The following GAPVD1 variants were observed in gnomAD, a reference collection of about 807,000 sequenced individuals.
GAPVD1 encodes the protein GTPase activating protein and VPS9 domains 1, also known as GTPase-activating protein and VPS9 domain-containing protein 1.
Under a neutral mutation model 155.5 loss-of-function variants are expected in GAPVD1, and 35 were observed. The observed-to-expected ratio is 0.23, with a 90% CI of 0.17 to 0.30. The LOEUF is 0.30. Among genes scored for constraint, GAPVD1 ranks in the 10% least tolerant of loss-of-function variants. The pLI is 1.00. For synonymous variants in GAPVD1, 636 were observed against 619.7 expected, an observed-to-expected ratio of 1.03 and a Z score of -0.39; for missense variants, 1,429 against 1,775.7, an observed-to-expected ratio of 0.80 and a Z score of 3.51.
chr9:125,264,402 T>C (rs375871802), intron 1 of GAPVD1, among the ~76,000 whole-genome samples: 1 of 152,040 alleles, frequency 6.6e-6, no homozygotes, highest in African/African-American at 2.4e-5. Context: ...ACCATGTTGG[T>C]CAGGCTGGTC....
chr9:125,284,848 G>C (rs190968540), intron 2 of GAPVD1, among the ~76,000 whole-genome samples: 1 of 152,172 alleles, frequency 6.6e-6, no homozygotes, highest in Non-Finnish European at 1.5e-5. Flanking sequence ...ATAATAGTAA[G>C]TGTTTGTGTA....
In GAPVD1 at chr9:125,302,454, A is replaced by C; in HGVS notation, c.657A>C (p.Pro219=). The C allele has an allele frequency of 6.2e-7, 1 of 1,613,816 alleles. No homozygotes were observed. The highest frequency in any genetic ancestry group is 1.1e-5 in the South Asian group (1 of 91,084). Reference sequence around the variant, plus strand: ...ATGAAGATCACCTGGAAACAGATCCAAACAAGCTAATTGAGAGGTTCTCTC... The same window carrying C: ...ATGAAGATCACCTGGAAACAGATCCCAACAAGCTAATTGAGAGGTTCTCTC... ...VEDEDHLETD[P]NKLIERFSPS... Residue 219 remains proline, a synonymous_variant, in exon 5 of 28, where the codon CCA becomes CCC. Coordinates refer to ENST00000297933, the MANE Select transcript of GAPVD1 (RefSeq NM_001282680.3).
intron 12 of GAPVD1, among the ~76,000 whole-genome samples, chr9:125,328,026 T>C (rs1464815874): frequency 6.6e-6 from 1 of 152,130 alleles, no homozygotes; most frequent in African/African-American, 2.4e-5. Context: ...CTTTTATTAG[T>C]AACTTTTTTT....
intron 9 of GAPVD1, among the ~76,000 whole-genome samples, chr9:125,314,781 A>T (rs1843150442): frequency 6.6e-6 from 1 of 151,538 alleles, no homozygotes; most frequent in African/African-American, 2.4e-5. Flanking sequence ...CTGAAAAAGT[A>T]GCAGCTTCTT....
chr9:125,332,243 T>G (rs1020110233), intron 14 of GAPVD1, among the ~76,000 whole-genome samples, 183 bp downstream of exon 14: 1 of 152,262 alleles, frequency 6.6e-6, no homozygotes, highest in African/African-American at 2.4e-5. Flanking sequence ...ATGGAGCCTG[T>G]TGAAGTAATT....
chr9:125,284,095 T>G (rs1008502690), intron 2 of GAPVD1, among the ~76,000 whole-genome samples: 2 of 151,680 alleles, frequency 1.3e-5, no homozygotes, highest in African/African-American at 4.8e-5. Context: ...AGGCTGGTCT[T>G]GAACTCCTGA....
intron 17 of GAPVD1, among the ~76,000 whole-genome samples, chr9:125,338,982 T>C (rs2132038967): frequency 6.6e-6 from 1 of 151,614 alleles, no homozygotes; most frequent in Admixed American, 6.6e-5. Flanking sequence ...GTTGTTGTTG[T>C]GGTTTGTTTG....
chr9:125,269,534 G>C (rs1834530908), intron 2 of GAPVD1, among the ~76,000 whole-genome samples: 1 of 151,068 alleles, frequency 6.6e-6, no homozygotes, highest in Non-Finnish European at 1.5e-5. Context: ...CTGTCGCCCA[G>C]GCTGGAGTGC....
intron 2 of GAPVD1, among the ~76,000 whole-genome samples, chr9:125,271,749 C>T (rs1834955853): frequency 1.3e-5 from 2 of 152,022 alleles, no homozygotes; most frequent in Non-Finnish European, 1.5e-5. Context: ...CGTTGTTTCA[C>T]CGTGTTAGCC....
Position 125,350,815 on chromosome 9 carries a change from G to A in GAPVD1, c.3512G>A (p.Cys1171Tyr), listed in dbSNP as rs1369761699. Residue 1171 changes from cysteine (C) to tyrosine (Y), a missense_variant, in exon 23 of 28, where the codon TGC (cysteine) becomes TAC (tyrosine). By Grantham distance (194) the Cys-to-Tyr change is radical. Coordinates refer to ENST00000297933, the MANE Select transcript of GAPVD1 (RefSeq NM_001282680.3). The part of the protein sequence containing the change: ...AQLQETMRCV[C>Y]RFDNRTCRKL... Reference sequence around the variant, plus strand: ...CTTCAAGAAACAATGCGCTGTGTGTGCCGTTTTGATAATAGGACTTGTAGG... The same window carrying A: ...CTTCAAGAAACAATGCGCTGTGTGTACCGTTTTGATAATAGGACTTGTAGG... 5.6e-6 allele frequency: 9 copies of A among 1,613,564 alleles called. No homozygotes were observed. The highest frequency in any genetic ancestry group is 5.9e-6 in the Non-Finnish European group (7 of 1,179,480).
At chr9:125,334,756 A>C (rs976307734) in intron 15 of GAPVD1, among the ~76,000 whole-genome samples, 1 of 151,802 alleles carries the variant, frequency 6.6e-6, no homozygotes, top group African/African-American at 2.4e-5. Context: ...AAAATAAAAA[A>C]ATTAGCCAGG....
At chr9:125,273,907 T>C (rs1835315483) in intron 2 of GAPVD1, among the ~76,000 whole-genome samples, 1 of 152,220 alleles carries the variant, frequency 6.6e-6, no homozygotes, top group Non-Finnish European at 1.5e-5. Flanking sequence ...AAAATGGCGC[T>C]AAGGCTGAGA....
Position 125,337,289 on chromosome 9 carries a change from A to G in GAPVD1, c.2575A>G (p.Ile859Val), listed in dbSNP as rs185983481. The G allele has an allele frequency of 1.2e-5, 19 of 1,614,176 alleles. No individual in the cohort carries two copies. In the East Asian group the frequency reaches 1.8e-4, roughly 15 times the overall value. Reference sequence around the variant, plus strand: ...ATCGCATCCACCACCAGATCCCCCAATCCTGGAAGGAGCTGTGGGAGGAAA... The same window carrying G: ...ATCGCATCCACCACCAGATCCCCCAGTCCTGGAAGGAGCTGTGGGAGGAAA... ...RPSHPPPDPP[I>V]LEGAVGGNEA... is the part of the protein sequence containing the mutation. Residue 859 changes from isoleucine (I) to valine (V), a missense_variant, in exon 17 of 28, where the codon ATC (isoleucine) becomes GTC (valine). Ile to Val is a conservative substitution (Grantham distance 29). Transcript: ENST00000297933.
At chr9:125,325,933 C>G (rs921150450) in intron 11 of GAPVD1, among the ~76,000 whole-genome samples, 5 of 152,188 alleles carry the variant, frequency 3.3e-5, no homozygotes, top group African/African-American at 1.2e-4. Flanking sequence ...GTGATGAAAT[C>G]TCACACAGTC....
chr9:125,342,012 C>A, intron 18 of GAPVD1: 1 of 481,034 alleles, frequency 2.1e-6, no homozygotes, highest in South Asian at 2.8e-5. Context: ...AATTATTCTT[C>A]CTATGACAGA....
chr9:125,278,730 G>A lies in GAPVD1; in HGVS notation c.-150+9746G>A, dbSNP rs368121018. On this transcript the variant is annotated intron_variant, in intron 2 of 27. Coordinates refer to ENST00000297933, the MANE Select transcript of GAPVD1 (RefSeq NM_001282680.3). ...CATGCTTGTAGTCCCAGCTGCTTGG[G>A]AGGCTGAAGTGGGAAGATTGCTTGA... Among the ~76,000 whole-genome samples, 10 of 151,884 alleles carry A rather than the reference G, an allele frequency of 6.6e-5. No individual in the cohort carries two copies. The South Asian group carries it at 1.0e-3, about 16-fold the overall frequency.
intron 1 of GAPVD1, among the ~76,000 whole-genome samples, 187 bp downstream of exon 1, chr9:125,262,146 C>T (rs1440307474): frequency 1.3e-5 from 2 of 152,046 alleles, no homozygotes; most frequent in African/African-American, 4.8e-5. Flanking sequence ...GGGTTAGACC[C>T]AGGGGAGAGA....
chr9:125,266,568 C>T (rs1834006555), intron 1 of GAPVD1, among the ~76,000 whole-genome samples: 1 of 152,100 alleles, frequency 6.6e-6, no homozygotes, highest in African/African-American at 2.4e-5. Flanking sequence ...CTGCCTCGGC[C>T]TCCCAAAGTG....
At chr9:125,272,302 G>A (rs557904456) in intron 2 of GAPVD1, among the ~76,000 whole-genome samples, 1 of 152,300 alleles carries the variant, frequency 6.6e-6, no homozygotes, top group East Asian at 1.9e-4. Context: ...GATTACAGGC[G>A]TGAACCTCCG....
Sources: gnomAD v4.1 joint callset for allele counts (sites outside exome capture counted in the v4.1 genomes callset) on GRCh38, gnomAD v4.1.1 for gene constraint, MANE v1.5 for transcripts, NCBI Gene and HGNC (gene_info 2026-07-23, HGNC 2026-07-21) for gene names.